LRRC23: variants seen among roughly 807,000 people sequenced by gnomAD.
The protein encoded by LRRC23 is leucine-rich repeat-containing protein 23.
Under a neutral mutation model 37.7 loss-of-function variants are expected in LRRC23, and 28 were observed. That is an observed-to-expected ratio of 0.74 (90% CI 0.55 to 1.02). The LOEUF is 1.02. Among genes scored for constraint, LRRC23 ranks in the 50% least tolerant of loss-of-function variants. LRRC23 has a pLI of 0.00. For synonymous variants in LRRC23, 161 were observed against 165.4 expected (o/e 0.97, Z 0.20); for missense variants, 377 against 413.2 (o/e 0.91, Z 0.76).
chr12:6,912,503 A>C (rs1004954456), intron 6 of LRRC23, among the ~76,000 whole-genome samples: 2 of 152,134 alleles, frequency 1.3e-5, no homozygotes, highest in Non-Finnish European at 2.9e-5. Context: ...ACATGAATGT[A>C]TTACAGAGTA....
intron 6 of LRRC23, among the ~76,000 whole-genome samples, chr12:6,910,870 T>C (rs1945141585): frequency 6.6e-6 from 1 of 152,158 alleles, no homozygotes; most frequent in African/African-American, 2.4e-5. Context: ...TGAGCCATGA[T>C]TGTGCCACTG....
rs782647240 is a variant in LRRC23 at position 6,913,005 on chromosome 12, A to G, written c.*2A>G. The G allele has an allele frequency of 1.2e-6, 2 of 1,614,020 alleles. No homozygotes were observed. The highest frequency in any genetic ancestry group is 8.5e-7 in the Non-Finnish European group (1 of 1,179,986). On this transcript the variant is annotated 3_prime_UTR_variant, in exon 7 of 8. Transcript: ENST00000443597. ...GAACCCGAACAGTCATTGATCTAGCAGCAGTTCTAGCCTCTAAAGATAGTA... is the reference window on the plus strand; with the variant it reads ...GAACCCGAACAGTCATTGATCTAGCGGCAGTTCTAGCCTCTAAAGATAGTA...
intron 5 of LRRC23, 57 bp from the exon 6 acceptor site, chr12:6,909,833 T>C (rs1191496303): frequency 6.5e-7 from 1 of 1,530,874 alleles, no homozygotes; most frequent in Admixed American, 2.0e-5. Context: ...TTCTGACTTC[T>C]CTTTCTTCCC....
chr12:6,908,823 CA>C (rs34675493), intron 5 of LRRC23, among the ~76,000 whole-genome samples: 172 of 119,054 alleles, frequency 1.4e-3, no homozygotes, highest in Non-Finnish European at 2.2e-3. Context: ...GACTCTGTTT[CA>C]AAAAAAAAAA....
chr12:6,907,388 G>A lies in LRRC23; in HGVS notation c.564G>A (p.Gly188=). 1 of 1,613,914 alleles carries A rather than the reference G, an allele frequency of 6.2e-7. No individual in the cohort carries two copies. Among genetic ancestry groups the A allele is most frequent in the Non-Finnish European group, 8.5e-7 (1 of 1,179,970 alleles). ...GCCTGCACACAGTGGAGCTTCGGGG[G>A]AACCAGCTGGAAAGCACCCTGGGAA... ...LISLHTVELR[G]NQLESTLGIN... The change falls in exon 5 of 8, where the codon GGG becomes GGA. Residue 188 remains glycine, a synonymous_variant. Coordinates refer to ENST00000443597, the MANE Select transcript of LRRC23 (RefSeq NM_001135217.2).
At chr12:6,913,056 A>G in intron 7 of LRRC23, 29 bp downstream of exon 7, 1 of 1,600,382 alleles carries the variant, frequency 6.2e-7, no homozygotes, top group East Asian at 2.2e-5. Context: ...AGGCAGTGGG[A>G]GGAGGCCAAG....
chr12:6,906,626 ATC>A lies in LRRC23; in HGVS notation c.459_460del (p.His154SerfsTer4). ...AYNQITDTEG[I>X]SHPRLETLNL... is the part of the protein sequence containing the mutation. ...TAACCAGATTACTGACACTGAAGGCATCTCTCATCCTCGTCTTGAAACCCTGA... is the reference window on the plus strand; with the variant it reads ...TAACCAGATTACTGACACTGAAGGCATCTCATCCTCGTCTTGAAACCCTGA... On this transcript the variant is annotated frameshift_variant, in exon 4 of 8. Transcript: ENST00000443597. LOFTEE classifies it high-confidence loss of function. The A allele has an allele frequency of 6.2e-7, 1 of 1,614,216 alleles. No individual in the cohort carries two copies. The highest frequency in any genetic ancestry group is 8.5e-7 in the Non-Finnish European group (1 of 1,180,044).
intron 1 of LRRC23, 29 bp from the exon 2 acceptor site, chr12:6,905,556 G>T: frequency 6.8e-7 from 1 of 1,479,030 alleles, no homozygotes. Flanking sequence ...CTGAAGGCTG[G>T]CAGAAGCTGA....
At chr12:6,913,553 T>G (rs1370481231) in intron 7 of LRRC23, among the ~76,000 whole-genome samples, 2 of 111,450 alleles carry the variant, frequency 1.8e-5, no homozygotes, top group East Asian at 7.3e-4. Flanking sequence ...TTACCTCTGT[T>G]TGTTTTTTTT....
Position 6,905,605 on chromosome 12 carries a change from G to A in LRRC23, c.-29G>A. On this transcript the variant is annotated 5_prime_UTR_variant, in exon 2 of 8. Coordinates refer to ENST00000443597, the MANE Select transcript of LRRC23 (RefSeq NM_001135217.2). ...TTCAGGAGGAGGACTGAGCTTATCT[G>A]ACTCCAGAGCTTTCAGGAGGGAAGA... is the stretch of plus-strand genomic sequence containing the variant. 1 of 1,612,586 alleles carries A rather than the reference G, an allele frequency of 6.2e-7. No individual in the cohort carries two copies. Among genetic ancestry groups the A allele is most frequent in the African/African-American group, 1.3e-5 (1 of 74,942 alleles).
Position 6,909,650 on chromosome 12 carries a change from C to T in LRRC23, c.622-240C>T, listed in dbSNP as rs782016350. Among the ~76,000 whole-genome samples the T allele has an allele frequency of 5.4e-5, 8 of 149,104 alleles. No homozygotes were observed. In the South Asian group the frequency reaches 1.7e-3, roughly 31 times the overall value. ...GTAGGGGTGGGTTGAAGCATCTCCT[C>T]CATCCCAAGTGGCTTTGATGGGGCG... is the stretch of plus-strand genomic sequence containing the variant. On this transcript the variant is annotated intron_variant, in intron 5 of 7. Coordinates refer to ENST00000443597, the MANE Select transcript of LRRC23 (RefSeq NM_001135217.2).
intron 5 of LRRC23, among the ~76,000 whole-genome samples, chr12:6,908,794 A>G (rs1945021565): frequency 6.9e-6 from 1 of 145,126 alleles, no homozygotes; most frequent in Non-Finnish European, 1.5e-5. Flanking sequence ...ACTGCACTCC[A>G]GCCTGGGCAA....
rs782608135 is a variant in LRRC23, at chr12:6,912,811, C to A, written c.840C>A (p.Asn280Lys). The A allele has an allele frequency of 6.2e-7, 1 of 1,614,038 alleles. No homozygotes were observed. The highest frequency in any genetic ancestry group is 1.7e-5 in the Admixed American group (1 of 60,006). Residue 280 changes from asparagine to lysine, a missense_variant, in exon 7 of 8, where the codon AAC becomes AAA. Physicochemically the swap from Asn to Lys is moderately conservative, Grantham distance 94. Coordinates refer to ENST00000443597, the MANE Select transcript of LRRC23 (RefSeq NM_001135217.2). ...TGCGAGCGTTGGTGCTGCTTGATAACCCATGCACGGACGAAACCAGCTACC... is the reference window on the plus strand; with the variant it reads ...TGCGAGCGTTGGTGCTGCTTGATAAACCATGCACGGACGAAACCAGCTACC... ...PKLRALVLLD[N>K]PCTDETSYRQ...
At chr12:6,913,295 T>C (rs1047662669) in intron 7 of LRRC23, 1 of 431,070 alleles carries the variant, frequency 2.3e-6, no homozygotes, top group African/African-American at 2.0e-5. Context: ...GGGGCAGCCA[T>C]ACCTGACACA....
rs1555139369 is a variant in LRRC23 at position 6,905,696 on chromosome 12, G to T, written c.63G>T (p.Glu21Asp). ...EPDQDDSEKE[E>D]DEKETEEGED... ...ACCAGGATGATTCTGAGAAAGAAGAGGACGAGAAGGAGACAGAGGAGGGGG... is the reference window on the plus strand; with the variant it reads ...ACCAGGATGATTCTGAGAAAGAAGATGACGAGAAGGAGACAGAGGAGGGGG... The change falls in exon 2 of 8, where the codon GAG becomes GAT. Residue 21 changes from glutamate to aspartate, a missense_variant. Coordinates refer to ENST00000443597, the MANE Select transcript of LRRC23 (RefSeq NM_001135217.2). 5.6e-6 allele frequency: 9 copies of T among 1,613,690 alleles called. No homozygotes were observed. The highest frequency in any genetic ancestry group is 7.6e-6 in the Non-Finnish European group (9 of 1,179,794).
chr12:6,911,242 A>G (rs1237166718), intron 6 of LRRC23, among the ~76,000 whole-genome samples: 1 of 152,194 alleles, frequency 6.6e-6, no homozygotes, highest in Admixed American at 6.5e-5. Context: ...GCAAACATGT[A>G]AGGAAACTGC....
intron 5 of LRRC23, among the ~76,000 whole-genome samples, chr12:6,909,173 A>AAT (rs1945059577): frequency 1.6e-4 from 1 of 6,436 alleles, no homozygotes; most frequent in Non-Finnish European, 2.1e-4. Context: ...TAAAATATAT[A>AAT]ATATATAATT....
chr12:6,912,055 T>C (rs1046327285), intron 6 of LRRC23, among the ~76,000 whole-genome samples: 22 of 152,162 alleles, frequency 1.4e-4, no homozygotes, highest in African/African-American at 4.6e-4. Context: ...CATTAGGAGA[T>C]GAAGTTTATT....
At position 6,914,181 on chromosome 12, in the gene LRRC23, G is replaced by A. The variant is rs1226280303; in HGVS notation, c.*315G>A. 2.0e-6 allele frequency: 2 copies of A among 1,000,216 alleles called. No homozygotes were observed. Among genetic ancestry groups the A allele is most frequent in the African/African-American group, 3.3e-5 (2 of 61,072 alleles). 62.0% of individuals were successfully genotyped at this position (1,000,216 alleles called of 1,614,324 possible). A position where few individuals can be genotyped will look rare whatever the true frequency, so the allele number is the denominator to read the frequency against. Reference sequence around the variant, plus strand: ...CTGGTAGGAGTGGTTGGAGAGACTTGCGAAGGCGGCTGGGGTGTTCGGATT... The same window carrying A: ...CTGGTAGGAGTGGTTGGAGAGACTTACGAAGGCGGCTGGGGTGTTCGGATT... On this transcript the variant is annotated 3_prime_UTR_variant, in exon 8 of 8. Coordinates refer to ENST00000443597, the MANE Select transcript of LRRC23 (RefSeq NM_001135217.2). The surrounding 1 kb of genome is among the most constrained non-coding windows in gnomAD (Gnocchi z 7.1).
Sources: gnomAD v4.1 joint callset for allele counts (sites outside exome capture counted in the v4.1 genomes callset) on GRCh38, gnomAD v4.1.1 for gene constraint, Gnocchi (gnomAD v3.1) non-coding constraint, MANE v1.5 for transcripts, NCBI Gene and HGNC (gene_info 2026-07-23, HGNC 2026-07-21) for gene names.